The following DLGAP4 variants were observed in gnomAD, a reference collection of about 807,000 sequenced individuals.
The protein encoded by DLGAP4 is DLG associated protein 4.
In DLGAP4, 18 loss-of-function variants were observed where a neutral mutation model predicts 86.9. The observed-to-expected ratio is 0.21, with a 90% CI of 0.14 to 0.31. DLGAP4 has a LOEUF of 0.31. Ranked by LOEUF, DLGAP4 falls within the 10% of genes least tolerant of loss-of-function variation. The pLI, the probability that DLGAP4 is intolerant of heterozygous loss-of-function variation, is 1.00. For missense variants in DLGAP4, 1,085 were observed against 1,362.6 expected, an observed-to-expected ratio of 0.80 and a Z score of 3.21; for synonymous variants, 548 against 574.3, an observed-to-expected ratio of 0.95 and a Z score of 0.65.
intron 1 of DLGAP4, among the ~76,000 whole-genome samples, chr20:36,314,147 G>A (rs914869608): frequency 3.3e-5 from 5 of 151,814 alleles, no homozygotes; most frequent in East Asian, 2.0e-4. Flanking sequence ...GAGCAGAAGC[G>A]CGTGCAGAGG....
chr20:36,327,677 C>T (rs1400362466), intron 1 of DLGAP4, among the ~76,000 whole-genome samples: 7 of 146,664 alleles, frequency 4.8e-5, no homozygotes, highest in South Asian at 2.2e-4. Context: ...CTGCAAGCTC[C>T]GCCTCCTGGG....
Position 36,436,244 on chromosome 20 carries a change from G to T in DLGAP4, c.1135G>T (p.Asp379Tyr), listed in dbSNP as rs975961127. 9.3e-6 allele frequency: 15 copies of T among 1,605,684 alleles called. No homozygotes were observed. The highest frequency in any genetic ancestry group is 1.2e-5 in the Non-Finnish European group (14 of 1,179,452). The change falls in exon 4 of 13, where the codon GAC (aspartate) becomes TAC (tyrosine). Residue 379 changes from aspartate (D) to tyrosine (Y), a missense_variant. Coordinates refer to ENST00000339266, the MANE Select transcript of DLGAP4 (RefSeq NM_001365621.2). ...YIKAMGDEDS[D>Y]ESGGSPKPSP... ...CAAGGCCATGGGCGACGAGGACAGC[G>T]ACGAGTCCGGCGGCAGCCCCAAGCC...
intron 7 of DLGAP4, among the ~76,000 whole-genome samples, chr20:36,460,597 G>A (rs992019963): frequency 1.3e-5 from 2 of 152,246 alleles, no homozygotes; most frequent in Non-Finnish European, 2.9e-5. Context: ...GGCAGGTCAT[G>A]AACAAGAGTT....
chr20:36,390,793 C>T (rs1205760249), intron 2 of DLGAP4, among the ~76,000 whole-genome samples: 1 of 151,460 alleles, frequency 6.6e-6, no homozygotes, highest in Non-Finnish European at 1.5e-5. Flanking sequence ...AGCCTTGATC[C>T]CTATCCACAG....
rs1324271377 is a variant in DLGAP4, at chr20:36,528,382, T to C, written c.*1351T>C. 6.6e-6 allele frequency: 1 copy of C among 152,630 alleles called. No homozygotes were observed. The highest frequency in any genetic ancestry group is 2.1e-4 in the South Asian group (1 of 4,838). 9.5% of individuals were successfully genotyped at this position (152,630 alleles called of 1,614,324 possible). ...GCTCAGTACCTGAGGGGCTGCTCTA[T>C]GCTGTGTATGCGCCTCTCTGGCATC... On this transcript the variant is annotated 3_prime_UTR_variant, in exon 13 of 13. Coordinates refer to ENST00000339266, the MANE Select transcript of DLGAP4 (RefSeq NM_001365621.2).
In DLGAP4 at chr20:36,496,850, G is replaced by A; in HGVS notation, c.1794G>A (p.Glu598=). ...TGGACAGCCAGGACCACAAGAGCGA[G>A]GTGACTAGCCAGTCGGGCCTGAGCA... is the stretch of plus-strand genomic sequence containing the variant. ...TYLDSQDHKS[E]VTSQSGLSNS... Residue 598 remains glutamate, a synonymous_variant, in exon 8 of 13, where the codon GAG becomes GAA. Coordinates refer to ENST00000339266, the MANE Select transcript of DLGAP4 (RefSeq NM_001365621.2). 1 of 1,614,232 alleles carries A rather than the reference G, an allele frequency of 6.2e-7. No homozygotes were observed. Among genetic ancestry groups the A allele is most frequent in the Non-Finnish European group, 8.5e-7 (1 of 1,180,044 alleles).
chr20:36,465,064 G>T (rs1275665710), intron 7 of DLGAP4, among the ~76,000 whole-genome samples: 2 of 151,880 alleles, frequency 1.3e-5, no homozygotes, highest in African/African-American at 4.8e-5. Flanking sequence ...TTTAAATCTG[G>T]TGCACAGTAG....
chr20:36,306,719 C>A lies in DLGAP4; in HGVS notation c.-304+207C>A, dbSNP rs2147323875. On this transcript the variant is annotated intron_variant, in intron 1 of 12. Transcript: ENST00000339266. The surrounding 1 kb of genome is among the most constrained non-coding windows in gnomAD (Gnocchi z 4.9). ...GGGCCGGCTGTGCGGCTGGGAAGCGCCTTCTCCGGTTGGGATCGCCCCATC... is the reference window on the plus strand; with the variant it reads ...GGGCCGGCTGTGCGGCTGGGAAGCGACTTCTCCGGTTGGGATCGCCCCATC... Among the ~76,000 whole-genome samples the A allele has an allele frequency of 6.6e-6, 1 of 152,276 alleles. No individual in the cohort carries two copies. The highest frequency in any genetic ancestry group is 2.1e-4 in the South Asian group (1 of 4,828).
chr20:36,471,298 G>A (rs766802714), intron 7 of DLGAP4, among the ~76,000 whole-genome samples: 3 of 151,912 alleles, frequency 2.0e-5, no homozygotes, highest in African/African-American at 7.3e-5. Flanking sequence ...ACCTCTACTC[G>A]ACCTGGCCAA....
At chr20:36,526,235 GA>G (rs1164155001) in intron 12 of DLGAP4, 2 of 640,236 alleles carry the variant, frequency 3.1e-6, no homozygotes, top group Non-Finnish European at 5.5e-6. Context: ...TGCATGTCCA[GA>G]AAAGGGGATC....
chr20:36,398,102 C>T (rs892884473), intron 2 of DLGAP4, among the ~76,000 whole-genome samples: 3 of 152,116 alleles, frequency 2.0e-5, no homozygotes, highest in Non-Finnish European at 4.4e-5. Context: ...GCCTGGGCGA[C>T]AAAAAAACTT....
intron 1 of DLGAP4, among the ~76,000 whole-genome samples, chr20:36,322,623 T>C (rs1555890637): frequency 1.3e-5 from 2 of 152,198 alleles, no homozygotes; most frequent in East Asian, 1.9e-4. Context: ...GCTCATATAA[T>C]GTCACAGTCA....
intron 1 of DLGAP4, among the ~76,000 whole-genome samples, chr20:36,341,931 A>T (rs148119826): frequency 0.016 from 2,457 of 152,244 alleles, 29 homozygotes; most frequent in Middle Eastern, 0.068. Flanking sequence ...TCAGCTCCCC[A>T]GGCACACTTC....
At chr20:36,486,671 C>T (rs775908291) in intron 7 of DLGAP4, among the ~76,000 whole-genome samples, 12 of 150,100 alleles carry the variant, frequency 8.0e-5, no homozygotes, top group Non-Finnish European at 1.0e-4. Flanking sequence ...AGTGTAGTGG[C>T]GCAATCTCGG....
chr20:36,343,341 C>T (rs782224244), intron 1 of DLGAP4, among the ~76,000 whole-genome samples: 2 of 152,178 alleles, frequency 1.3e-5, no homozygotes, highest in Non-Finnish European at 2.9e-5. Context: ...TTAAGCCACT[C>T]ATCTCCTCTG....
rs765175120 is a variant in DLGAP4, at chr20:36,500,099, C to T, written c.2100-100C>T. The T allele has an allele frequency of 3.7e-5, 49 of 1,338,312 alleles. No homozygotes were observed. The highest frequency in any genetic ancestry group is 4.8e-5 in the Non-Finnish European group (47 of 981,070). The allele number at this position is 1,338,312 out of a possible 1,614,324, so 82.9% of individuals were successfully genotyped here. ...TGGTGAGCAGATGATGCATCCGTTT[C>T]TCTGTCTCCCGTGTGTCCGGGTCAA... On this transcript the variant is annotated intron_variant, in intron 9 of 12. Transcript: ENST00000339266. This position sits in a 1 kb window ranked among gnomAD's most constrained non-coding sequence, Gnocchi z 4.6.
intron 1 of DLGAP4, among the ~76,000 whole-genome samples, chr20:36,357,695 T>C (rs2030375558): frequency 6.6e-6 from 1 of 152,090 alleles, no homozygotes; most frequent in Admixed American, 6.5e-5. Flanking sequence ...GGTCGGAGAA[T>C]GGTTCCGAGA....
At chr20:36,317,057 C>T (rs1229706237) in intron 1 of DLGAP4, among the ~76,000 whole-genome samples, 1 of 152,160 alleles carries the variant, frequency 6.6e-6, no homozygotes, top group Non-Finnish European at 1.5e-5. Context: ...TTACTGTAGC[C>T]TAGTCTACAC....
chr20:36,412,130 G>A (rs1434493332), intron 2 of DLGAP4, among the ~76,000 whole-genome samples: 1 of 152,268 alleles, frequency 6.6e-6, no homozygotes, highest in Non-Finnish European at 1.5e-5. Context: ...AATGTTGGAA[G>A]AATTGAATTA....
Sources: gnomAD v4.1 joint callset for allele counts (sites outside exome capture counted in the v4.1 genomes callset) on GRCh38, gnomAD v4.1.1 for gene constraint, Gnocchi (gnomAD v3.1) non-coding constraint, MANE v1.5 for transcripts, NCBI Gene and HGNC (gene_info 2026-07-23, HGNC 2026-07-21) for gene names.